The following SUGCT variants were observed in gnomAD, a reference collection of about 807,000 sequenced individuals.
The protein encoded by SUGCT is succinyl-CoA:glutarate CoA-transferase.
A neutral mutation model predicts 55.0 loss-of-function variants in SUGCT; 41 were observed. The observed-to-expected ratio is 0.74, with a 90% confidence interval of 0.58 to 0.97. The LOEUF is 0.97. Among genes scored for constraint, SUGCT ranks in the 50% least tolerant of loss-of-function variants. SUGCT has a pLI of 0.00. For synonymous variants in SUGCT, 187 were observed against 200.4 expected, an observed-to-expected ratio of 0.93 and a Z score of 0.56; for missense variants, 568 against 547.8, an observed-to-expected ratio of 1.04 and a Z score of -0.37.
chr7:40,929,629 G>T, the SUGCT span, among the ~76,000 whole-genome samples: 1 of 152,122 alleles, frequency 6.6e-6, no homozygotes, highest in Admixed American at 6.5e-5. Flanking sequence ...GGTGTGAGAT[G>T]GTATCTCACT....
chr7:40,940,894 A>G, the SUGCT span, among the ~76,000 whole-genome samples: 2 of 152,216 alleles, frequency 1.3e-5, no homozygotes, highest in East Asian at 3.9e-4. Flanking sequence ...TCTAACTAGC[A>G]TTTCCAGTTC....
intron 11 of SUGCT, among the ~76,000 whole-genome samples, chr7:40,489,406 C>T (rs183199960): frequency 1.8e-4 from 27 of 152,214 alleles, no homozygotes; most frequent in African/African-American, 4.6e-4. Context: ...TTGGGCCAGG[C>T]GTGGTGGCTC....
chr7:40,687,750 T>C (rs1412328773), intron 12 of SUGCT, among the ~76,000 whole-genome samples: 1 of 152,178 alleles, frequency 6.6e-6, no homozygotes, highest in Non-Finnish European at 1.5e-5. Flanking sequence ...AGCACTAGCC[T>C]CTATTTTTAA....
chr7:40,718,462 A>G (rs867258393), intron 12 of SUGCT, among the ~76,000 whole-genome samples: 11 of 152,238 alleles, frequency 7.2e-5, no homozygotes, highest in African/African-American at 2.7e-4. Context: ...ACAGGGCAGT[A>G]ACTTGAGGCT....
chr7:40,330,568 C>T (rs192730556), intron 9 of SUGCT, among the ~76,000 whole-genome samples: 2 of 152,106 alleles, frequency 1.3e-5, no homozygotes, highest in African/African-American at 2.4e-5. Flanking sequence ...CCTCTAAGTC[C>T]GGCATGGTTT....
At position 40,413,124 on chromosome 7, in the gene SUGCT, A is replaced by G. The variant is rs900040240; in HGVS notation, c.817-36163A>G. On this transcript the variant is annotated intron_variant, in intron 9 of 13. Coordinates refer to ENST00000335693, the MANE Select transcript of SUGCT (RefSeq NM_001193313.2). ...TCTTGTACAGTAGTATTCTCCCTTCACATCTAACATTGAATGGCTGATTAG... is the reference window on the plus strand; with the variant it reads ...TCTTGTACAGTAGTATTCTCCCTTCGCATCTAACATTGAATGGCTGATTAG... Among the ~76,000 whole-genome samples the G allele has an allele frequency of 3.9e-5, 6 of 152,122 alleles. No homozygotes were observed. The East Asian group carries it at 1.2e-3, about 29-fold the overall frequency.
chr7:40,846,374 G>GGA (rs1793556315), intron 13 of SUGCT, among the ~76,000 whole-genome samples: 1 of 141,364 alleles, frequency 7.1e-6, no homozygotes, highest in South Asian at 2.3e-4. Flanking sequence ...ACTAGTGTTG[G>GGA]AAAAAAAAAA....
At chr7:40,233,338 G>C (rs1452697385) in intron 6 of SUGCT, among the ~76,000 whole-genome samples, 3 of 152,148 alleles carry the variant, frequency 2.0e-5, no homozygotes, top group South Asian at 4.1e-4. Flanking sequence ...TCCTGCCTCA[G>C]CCTCCCAAGT....
intron 11 of SUGCT, among the ~76,000 whole-genome samples, chr7:40,461,423 G>A (rs1287169913): frequency 2.6e-5 from 4 of 152,016 alleles, no homozygotes; most frequent in Admixed American, 2.0e-4. Context: ...TCCAAAGGAC[G>A]GCCCTGCTAT....
intron 6 of SUGCT, 65 bp from the exon 7 acceptor site, chr7:40,237,570 T>C (rs2150876891): frequency 2.5e-6 from 3 of 1,180,374 alleles, no homozygotes; most frequent in Non-Finnish European, 2.5e-6. Context: ...TCTAACACAC[T>C]ATATTGTACA....
chr7:40,167,180 T>C (rs967282970), intron 1 of SUGCT, among the ~76,000 whole-genome samples: 3 of 152,182 alleles, frequency 2.0e-5, no homozygotes, highest in African/African-American at 7.2e-5. Flanking sequence ...GGTATATCCA[T>C]ACAGTAGAGT....
At chr7:40,142,878 T>G (rs1788058545) in intron 1 of SUGCT, among the ~76,000 whole-genome samples, 1 of 152,224 alleles carries the variant, frequency 6.6e-6, no homozygotes, top group Non-Finnish European at 1.5e-5. Flanking sequence ...TAACAGCATC[T>G]CTAGTATAGT....
At chr7:40,409,549 C>A (rs1437941262) in intron 9 of SUGCT, among the ~76,000 whole-genome samples, 1 of 152,182 alleles carries the variant, frequency 6.6e-6, no homozygotes, top group Non-Finnish European at 1.5e-5. Flanking sequence ...TATGAGCCAC[C>A]ATACCTGGCC....
chr7:41,017,627 C>T, the SUGCT span, among the ~76,000 whole-genome samples: 8 of 151,872 alleles, frequency 5.3e-5, no homozygotes, highest in Admixed American at 2.0e-4. Context: ...AAAACTTAGC[C>T]GGGCGTGGTG....
chr7:40,439,900 C>T (rs1788409578), intron 9 of SUGCT, among the ~76,000 whole-genome samples: 1 of 152,130 alleles, frequency 6.6e-6, no homozygotes, highest in South Asian at 2.1e-4. Context: ...CTGTTCGCAT[C>T]ATGACACCAG....
At chr7:40,461,011 A>G (rs1789767912) in intron 11 of SUGCT, among the ~76,000 whole-genome samples, 5 of 152,130 alleles carry the variant, frequency 3.3e-5, no homozygotes, top group Non-Finnish European at 7.4e-5. Context: ...CTTGCAGGCT[A>G]GCTTTTGTGC....
At position 40,860,629 on chromosome 7, in the gene SUGCT, C is replaced by G; in HGVS notation, c.*150C>G. Reference sequence around the variant, plus strand: ...CTTACATGGCATCTCCAGAATGGCTCTGGTATTAATGAATCTAGTGCCTTT... The same window carrying G: ...CTTACATGGCATCTCCAGAATGGCTGTGGTATTAATGAATCTAGTGCCTTT... On this transcript the variant is annotated 3_prime_UTR_variant, in exon 14 of 14. Transcript: ENST00000335693. 1.3e-6 allele frequency: 1 copy of G among 740,748 alleles called. No individual in the cohort carries two copies. The highest frequency in any genetic ancestry group is 2.0e-6 in the Non-Finnish European group (1 of 496,226). 45.9% of individuals were successfully genotyped at this position (740,748 alleles called of 1,614,324 possible).
intron 5 of SUGCT, among the ~76,000 whole-genome samples, chr7:40,193,603 T>A (rs75304831): frequency 0.12 from 17,241 of 142,470 alleles, 1,387 homozygotes; most frequent in East Asian, 0.45. Context: ...TTAAAAAAGA[T>A]TTTTTTTTTT....
At chr7:40,274,468 T>TCA (rs762629331) in intron 7 of SUGCT, 45 bp from the exon 8 acceptor site, 23 of 1,585,536 alleles carry the variant, frequency 1.5e-5, no homozygotes, top group Middle Eastern at 1.7e-4. Context: ...ATGATTCTTT[T>TCA]AATGTTTAAT....
Sources: gnomAD v4.1 joint callset for allele counts (sites outside exome capture counted in the v4.1 genomes callset) on GRCh38, gnomAD v4.1.1 for gene constraint, MANE v1.5 for transcripts, NCBI Gene and HGNC (gene_info 2026-07-23, HGNC 2026-07-21) for gene names.